EXOC6B: variants seen among roughly 807,000 people sequenced by gnomAD.
EXOC6B encodes SEC15 homolog B.
EXOC6B carries 54 observed loss-of-function variants against 113.5 expected under a neutral mutation model. The observed-to-expected ratio is 0.48, with a 90% CI of 0.38 to 0.60. The LOEUF is 0.60. Among genes scored for constraint, EXOC6B ranks in the 20% least tolerant of loss-of-function variants. EXOC6B has a pLI of 0.00. For missense variants in EXOC6B, 797 were observed against 977.5 expected, an observed-to-expected ratio of 0.82 and a Z score of 2.46; for synonymous variants, 357 against 339.0, an observed-to-expected ratio of 1.05 and a Z score of -0.58.
chr2:72,488,932 T>G (rs1394182122), intron 16 of EXOC6B, among the ~76,000 whole-genome samples: 1 of 152,202 alleles, frequency 6.6e-6, no homozygotes, highest in African/African-American at 2.4e-5. Flanking sequence ...CCATGAATGC[T>G]TGATACCTCT....
rs138605293 is a variant in EXOC6B, at chr2:72,370,990, A to G, written c.2122+8739T>C. On this transcript the variant is annotated intron_variant, in intron 19 of 21. Transcript: ENST00000272427. ...TTGTGCACATGTACCCTAGAACTTA[A>G]AGTATAATAAAAATATATATATATA... Among the ~76,000 whole-genome samples the G allele has an allele frequency of 4.0e-4, 61 of 151,880 alleles. 5 individuals are homozygous for G. In the East Asian group the frequency reaches 0.012, roughly 29 times the overall value.
At chr2:72,641,789 A>C (rs1165592890) in intron 6 of EXOC6B, among the ~76,000 whole-genome samples, 1 of 152,220 alleles carries the variant, frequency 6.6e-6, no homozygotes, top group African/African-American at 2.4e-5. Context: ...TGTGTAGCCT[A>C]ACTGGGAGAC....
chr2:72,485,535 G>T (rs745488250), intron 16 of EXOC6B, among the ~76,000 whole-genome samples: 1 of 151,818 alleles, frequency 6.6e-6, no homozygotes, highest in East Asian at 1.9e-4. Context: ...CCCCAGTCAG[G>T]GTACAAAAAA....
At position 72,741,343 on chromosome 2, in the gene EXOC6B, A is replaced by C; in HGVS notation, c.240T>G (p.Thr80=). ...CTTCTCCTCTCACTTTCAGCAGTTC[A>C]GTTATAGAGTCCACAAAGCCCTGGT... ...FHYQGFVDSI[T]ELLKVRGEAQ... Residue 80 remains threonine, a synonymous_variant, in exon 2 of 22, where the codon ACT becomes ACG. Coordinates refer to ENST00000272427, the MANE Select transcript of EXOC6B (RefSeq NM_015189.3). The C allele has an allele frequency of 6.2e-7, 1 of 1,613,514 alleles. No homozygotes were observed. Among genetic ancestry groups the C allele is most frequent in the Non-Finnish European group, 8.5e-7 (1 of 1,179,742 alleles).
intron 8 of EXOC6B, chr2:72,515,597 A>T (rs1280891507): frequency 1.0e-6 from 1 of 998,486 alleles, no homozygotes; most frequent in African/African-American, 1.7e-5. Flanking sequence ...ATTCCCCCTT[A>T]GGTTATAATC....
intron 1 of EXOC6B, among the ~76,000 whole-genome samples, chr2:72,797,792 C>T (rs1685052061): frequency 6.6e-6 from 1 of 151,990 alleles, no homozygotes; most frequent in Non-Finnish European, 1.5e-5. Flanking sequence ...GCCTGGACAA[C>T]AAAGCGAGAC....
intron 19 of EXOC6B, among the ~76,000 whole-genome samples, chr2:72,374,084 T>C (rs1691204654): frequency 6.6e-6 from 1 of 152,182 alleles, no homozygotes. Flanking sequence ...AAAAAATTTT[T>C]TTTTAAATCC....
intron 20 of EXOC6B, among the ~76,000 whole-genome samples, chr2:72,290,494 G>T (rs1426931963): frequency 6.6e-6 from 1 of 152,062 alleles, no homozygotes; most frequent in Non-Finnish European, 1.5e-5. Context: ...TACACTTACT[G>T]ATCAGAATCC....
intron 20 of EXOC6B, among the ~76,000 whole-genome samples, chr2:72,279,331 C>T (rs1684986547): frequency 6.6e-6 from 1 of 152,178 alleles, no homozygotes; most frequent in African/African-American, 2.4e-5. Context: ...GTTACAAAAT[C>T]ACACTTTAGT....
chr2:72,287,356 G>A (rs1282401613), intron 20 of EXOC6B, among the ~76,000 whole-genome samples: 3 of 151,148 alleles, frequency 2.0e-5, no homozygotes, highest in Non-Finnish European at 2.9e-5. Context: ...GCGTGAACCC[G>A]GGAGGTGGAG....
intron 17 of EXOC6B, among the ~76,000 whole-genome samples, chr2:72,473,363 G>T (rs1573204849): frequency 6.6e-6 from 1 of 152,092 alleles, no homozygotes; most frequent in African/African-American, 2.4e-5. Flanking sequence ...GTGCTCCAGT[G>T]TTGGATGCCA....
chr2:72,259,849 A>G (rs551422274), intron 20 of EXOC6B, among the ~76,000 whole-genome samples: 2 of 152,226 alleles, frequency 1.3e-5, no homozygotes, highest in African/African-American at 2.4e-5. Flanking sequence ...CCAAGAGTTC[A>G]AGACCAGTCT....
chr2:72,412,265 G>A (rs1476813335), intron 18 of EXOC6B, among the ~76,000 whole-genome samples: 1 of 152,176 alleles, frequency 6.6e-6, no homozygotes, highest in Admixed American at 6.5e-5. Context: ...TCTGTTATAG[G>A]CTGAAGGAAA....
intron 6 of EXOC6B, among the ~76,000 whole-genome samples, chr2:72,661,839 T>C (rs1465429434): frequency 6.6e-6 from 1 of 152,018 alleles, no homozygotes; most frequent in Non-Finnish European, 1.5e-5. Context: ...ACTGTACCAC[T>C]GGGAAAGGGA....
At chr2:72,388,003 G>A (rs1692151751) in intron 18 of EXOC6B, among the ~76,000 whole-genome samples, 1 of 152,042 alleles carries the variant, frequency 6.6e-6, no homozygotes, top group Non-Finnish European at 1.5e-5. Flanking sequence ...GGGCAATTTT[G>A]TTTCCCAGGG....
chr2:72,377,247 T>C (rs908889420), intron 19 of EXOC6B, among the ~76,000 whole-genome samples: 2 of 152,170 alleles, frequency 1.3e-5, no homozygotes, highest in African/African-American at 4.8e-5. Context: ...TGTGCATTAT[T>C]GGTGGAAATG....
intron 19 of EXOC6B, among the ~76,000 whole-genome samples, chr2:72,336,952 A>C (rs1007492922): frequency 7.9e-5 from 12 of 151,578 alleles, no homozygotes; most frequent in Non-Finnish European, 1.3e-4. Context: ...GGTTGCAGTG[A>C]GCCAAGATTG....
At chr2:72,659,965 A>G (rs936058857) in intron 6 of EXOC6B, among the ~76,000 whole-genome samples, 1 of 152,172 alleles carries the variant, frequency 6.6e-6, no homozygotes, top group South Asian at 2.1e-4. Flanking sequence ...GCAATCCAAA[A>G]ACAGCAAAAG....
chr2:72,538,908 G>A (rs1573351479), intron 8 of EXOC6B, among the ~76,000 whole-genome samples: 1 of 152,220 alleles, frequency 6.6e-6, no homozygotes, highest in Admixed American at 6.5e-5. Flanking sequence ...CAAGTTGTAG[G>A]ACAGAACTCT....
Sources: allele counts gnomAD v4.1 joint callset (sites outside exome capture counted in the v4.1 genomes callset), GRCh38; gene constraint gnomAD v4.1.1; transcripts MANE v1.5; gene names NCBI Gene and HGNC (gene_info 2026-07-23, HGNC 2026-07-21).